Variants in NAALADL2 observed in about 807,000 individuals in gnomAD.
NAALADL2 encodes the protein N-acetylated alpha-linked acidic dipeptidase like 2, also known as inactive N-acetylated-alpha-linked acidic dipeptidase-like protein 2.
In NAALADL2, 76 loss-of-function variants were observed where a neutral mutation model predicts 87.2. The ratio of observed to expected loss-of-function variants is 0.87; its 90% CI spans 0.72 to 1.05. The LOEUF (loss-of-function observed/expected upper bound fraction) is 1.05, where lower values mean the gene tolerates loss of function less well. Among genes scored for constraint, NAALADL2 ranks in the 50% least tolerant of loss-of-function variants. The pLI is 0.00. For synonymous variants in NAALADL2, 354 were observed against 331.0 expected, an observed-to-expected ratio of 1.07 and a Z score of -0.75; for missense variants, 1,089 against 945.8, an observed-to-expected ratio of 1.15 and a Z score of -1.99.
At chr3:175,668,651 C>T (rs1336803744) in intron 11 of NAALADL2, among the ~76,000 whole-genome samples, 1 of 152,110 alleles carries the variant, frequency 6.6e-6, no homozygotes, top group Non-Finnish European at 1.5e-5. Flanking sequence ...ATTTCTTTCT[C>T]ATGATTTCTG....
chr3:175,500,143 TC>T, intron 9 of NAALADL2, among the ~76,000 whole-genome samples: 1 of 152,152 alleles, frequency 6.6e-6, no homozygotes, highest in Non-Finnish European at 1.5e-5. Context: ...TTATTCTACC[TC>T]CTAGAATCAT....
intron 9 of NAALADL2, among the ~76,000 whole-genome samples, chr3:175,473,322 T>C (rs1725169253): frequency 6.6e-6 from 1 of 152,070 alleles, no homozygotes. Context: ...AAGAGGAATC[T>C]TTTCTGTTCT....
At chr3:175,191,729 G>T (rs1163591735) in intron 2 of NAALADL2, among the ~76,000 whole-genome samples, 1 of 152,160 alleles carries the variant, frequency 6.6e-6, no homozygotes, top group Non-Finnish European at 1.5e-5. Context: ...ATAGTTTTGG[G>T]GAGATAATGT....
rs879459358 is a variant in NAALADL2 at position 174,677,880 on chromosome 3, GA to G, written c.-114-59750del. On this transcript the variant is annotated intron_variant, in intron 2 of 3. Transcript: ENST00000434257. The stretch of plus-strand genomic sequence containing the variant: ...TTTTAGAGAGCAAGATCTCCAAAAA[GA>G]AAAAAAAAAAGAAAAATGCAAAAAA... 1.5e-3 allele frequency among the ~76,000 whole-genome samples: 193 copies of G among 129,482 alleles called. 2 individuals carry two copies. The highest frequency in any genetic ancestry group is 3.1e-3 in the East Asian group (14 of 4,518). 84.9% of individuals were successfully genotyped at this position (129,482 alleles called of 152,430 possible). A position where few individuals can be genotyped will look rare whatever the true frequency, so the allele number is the denominator to read the frequency against.
intron 2 of NAALADL2, among the ~76,000 whole-genome samples, chr3:174,697,643 T>A (rs2108871519): frequency 6.6e-6 from 1 of 152,320 alleles, no homozygotes; most frequent in African/African-American, 2.4e-5. Flanking sequence ...GTTCAGTGTT[T>A]ATCATTTTTA....
intron 1 of NAALADL2, among the ~76,000 whole-genome samples, chr3:175,025,092 AATG>A (rs1187098757): frequency 6.6e-6 from 1 of 152,258 alleles, no homozygotes; most frequent in East Asian, 1.9e-4. Flanking sequence ...CTTTGGTAGT[AATG>A]ATTACATTTG....
At chr3:174,795,289 A>G (rs910369846) in intron 3 of NAALADL2, among the ~76,000 whole-genome samples, 8 of 151,262 alleles carry the variant, frequency 5.3e-5, no homozygotes, top group African/African-American at 1.9e-4. Context: ...CAGCCACCAC[A>G]CCCGGCCTTC....
chr3:174,930,614 CTTTTTT>C lies in NAALADL2; in HGVS notation c.43+71184_43+71189del, dbSNP rs760690405. On this transcript the variant is annotated intron_variant, in intron 1 of 13. Coordinates refer to ENST00000454872, the MANE Select transcript of NAALADL2 (RefSeq NM_207015.3). ...TTGCAAGTCCTTTAAATAAGATGAA[CTTTTTT>C]TTTTTTTTTTTTTTTTTTTGAGACA... is the stretch of plus-strand genomic sequence containing the variant. Among the ~76,000 whole-genome samples the C allele has an allele frequency of 3.3e-4, 22 of 66,818 alleles. No individual in the cohort carries two copies. In the East Asian group the frequency reaches 4.1e-3, roughly 12 times the overall value. 43.8% of individuals were successfully genotyped at this position (66,818 alleles called of 152,430 possible).
intron 4 of NAALADL2, among the ~76,000 whole-genome samples, chr3:175,320,967 T>A (rs1165081911): frequency 6.6e-6 from 1 of 150,678 alleles, no homozygotes; most frequent in Non-Finnish European, 1.5e-5. Context: ...AAAGAGGGAA[T>A]CCTCCCTAAC....
intron 4 of NAALADL2, among the ~76,000 whole-genome samples, chr3:175,288,284 C>T (rs1265035789): frequency 1.3e-5 from 2 of 152,112 alleles, no homozygotes; most frequent in Non-Finnish European, 2.9e-5. Flanking sequence ...TTGTTCTATT[C>T]AGGCCTTCAA....
intron 5 of NAALADL2, among the ~76,000 whole-genome samples, chr3:175,354,597 G>T (rs1243528161): frequency 2.6e-5 from 4 of 151,832 alleles, no homozygotes; most frequent in African/African-American, 4.8e-5. Flanking sequence ...ATCGAAAATT[G>T]ATTTACCTTT....
At chr3:175,182,443 A>G (rs1736704509) in intron 2 of NAALADL2, among the ~76,000 whole-genome samples, 1 of 151,358 alleles carries the variant, frequency 6.6e-6, no homozygotes, top group East Asian at 1.9e-4. Context: ...GCTGGAGTGC[A>G]GTGACATGAT....
chr3:175,195,251 G>C (rs1283135940), intron 2 of NAALADL2, among the ~76,000 whole-genome samples: 4 of 151,766 alleles, frequency 2.6e-5, no homozygotes, highest in Non-Finnish European at 5.9e-5. Flanking sequence ...ATTGCTCGGA[G>C]TGCTAGGGGA....
At chr3:174,966,858 C>T (rs371235667) in intron 1 of NAALADL2, among the ~76,000 whole-genome samples, 3 of 151,994 alleles carry the variant, frequency 2.0e-5, no homozygotes, top group South Asian at 2.1e-4. Flanking sequence ...GAAATTGAGA[C>T]GATCTGAATC....
chr3:174,668,340 T>C (rs60953921), intron 2 of NAALADL2, among the ~76,000 whole-genome samples: 12,557 of 152,128 alleles, frequency 0.083, 739 homozygotes, highest in South Asian at 0.27. Flanking sequence ...TGTCCTTCAA[T>C]GCCCAGAAGT....
chr3:174,766,839 G>A (rs572053542), intron 3 of NAALADL2, among the ~76,000 whole-genome samples: 28 of 152,276 alleles, frequency 1.8e-4, no homozygotes, highest in African/African-American at 6.7e-4. Flanking sequence ...CATTCTAGTA[G>A]GGGTTAGATA....
intron 10 of NAALADL2, among the ~76,000 whole-genome samples, chr3:175,603,655 C>CT (rs1723259654): frequency 6.6e-6 from 1 of 152,150 alleles, no homozygotes; most frequent in African/African-American, 2.4e-5. Context: ...AATCGCCTTC[C>CT]TTTTTAAGGT....
intron 11 of NAALADL2, among the ~76,000 whole-genome samples, chr3:175,712,074 T>G (rs1421695672): frequency 3.3e-5 from 5 of 151,890 alleles, no homozygotes; most frequent in East Asian, 1.9e-4. Context: ...GATATTGTAT[T>G]GAGATATTAT....
upstream of NAALADL2, among the ~76,000 whole-genome samples, chr3:174,857,494 A>G (rs548955502): frequency 2.0e-5 from 3 of 152,218 alleles, no homozygotes; most frequent in South Asian, 4.1e-4. Context: ...TATAACTGTT[A>G]TTGACTAATT....
Sources: gnomAD v4.1 joint callset for allele counts (sites outside exome capture counted in the v4.1 genomes callset) on GRCh38, gnomAD v4.1.1 for gene constraint, MANE v1.5 for transcripts, NCBI Gene and HGNC (gene_info 2026-07-23, HGNC 2026-07-21) for gene names.